The following RAMP3 variants were observed in gnomAD, a reference collection of about 807,000 sequenced individuals.
RAMP3 encodes receptor activity modifying protein 3.
In RAMP3, 14 loss-of-function variants were observed where a neutral mutation model predicts 13.5. The ratio of observed to expected loss-of-function variants is 1.04; its 90% CI spans 0.69 to 1.63. The LOEUF (loss-of-function observed/expected upper bound fraction) is 1.63, where lower values mean the gene tolerates loss of function less well. RAMP3 is among the 40% of genes most tolerant of loss of function. The pLI is 0.00. For missense variants in RAMP3, 200 were observed against 204.8 expected, an observed-to-expected ratio of 0.98 and a Z score of 0.14; for synonymous variants, 106 against 88.3, an observed-to-expected ratio of 1.20 and a Z score of -1.12.
intron 1 of RAMP3, among the ~76,000 whole-genome samples, chr7:45,160,549 A>T (rs1367886997): frequency 6.6e-6 from 1 of 151,932 alleles, no homozygotes; most frequent in East Asian, 1.9e-4. Context: ...CAGAATCCAC[A>T]GCCTCCCAAG....
At chr7:45,175,807 G>C (rs73114095) in intron 1 of RAMP3, among the ~76,000 whole-genome samples, 8,609 of 152,196 alleles carry the variant, frequency 0.057, 319 homozygotes, top group East Asian at 0.1. Context: ...GGCATCAGAC[G>C]CTTGTTCAAC....
rs992165840 is a variant in RAMP3 at position 45,157,899 on chromosome 7, C to A, written c.58+13C>A. Reference sequence around the variant, plus strand: ...CTGCTGCTCTGCGGTAAGGGGGCGACGGCCCGCACCGGGGGCGCCCCCACT... The same window carrying A: ...CTGCTGCTCTGCGGTAAGGGGGCGAAGGCCCGCACCGGGGGCGCCCCCACT... On this transcript the variant is annotated intron_variant, in intron 1 of 2. Transcript: ENST00000242249. 2.1e-5 allele frequency: 29 copies of A among 1,353,264 alleles called. No homozygotes were observed. Among genetic ancestry groups the A allele is most frequent in the Middle Eastern group, 2.1e-4 (1 of 4,670 alleles). 83.8% of individuals were successfully genotyped at this position (1,353,264 alleles called of 1,614,324 possible). A position where few individuals can be genotyped will look rare whatever the true frequency, so the allele number is the denominator to read the frequency against.
At chr7:45,158,381 C>T (rs1370204908) in intron 1 of RAMP3, among the ~76,000 whole-genome samples, 1 of 152,168 alleles carries the variant, frequency 6.6e-6, no homozygotes, top group Non-Finnish European at 1.5e-5. Context: ...AGTGTGTGGA[C>T]GCCTGTGTGT....
intron 1 of RAMP3, among the ~76,000 whole-genome samples, chr7:45,166,402 C>T (rs1785962413): frequency 1.3e-5 from 2 of 152,128 alleles, no homozygotes; most frequent in African/African-American, 4.8e-5. Flanking sequence ...TTGCATTTCC[C>T]TGATGGTTAA....
At chr7:45,176,601 G>A (rs1786192388) in intron 1 of RAMP3, among the ~76,000 whole-genome samples, 1 of 152,166 alleles carries the variant, frequency 6.6e-6, no homozygotes, top group Admixed American at 6.5e-5. Flanking sequence ...AGGACAGGGG[G>A]CATTGCTCAG....
rs1002167510 is a variant in RAMP3 at position 45,183,708 on chromosome 7, G to A, written c.*296G>A. On this transcript the variant is annotated 3_prime_UTR_variant, in exon 3 of 3. Coordinates refer to ENST00000242249, the MANE Select transcript of RAMP3 (RefSeq NM_005856.3). ...AATCACCTGCTGCATCCTGTGCTCC[G>A]CAGGCTGGGCCGGAGCCTCTGCCCG... is the stretch of plus-strand genomic sequence containing the variant. The A allele has an allele frequency of 3.6e-5, 21 of 577,962 alleles. No homozygotes were observed. The highest frequency in any genetic ancestry group is 3.4e-4 in the African/African-American group (18 of 53,560). 35.8% of individuals were successfully genotyped at this position (577,962 alleles called of 1,614,324 possible).
chr7:45,174,125 A>G (rs1301981429), intron 1 of RAMP3, among the ~76,000 whole-genome samples: 1 of 152,106 alleles, frequency 6.6e-6, no homozygotes, highest in African/African-American at 2.4e-5. Context: ...GTGAGCCAGG[A>G]GGGTCTTGGG....
chr7:45,183,840 C>T lies in RAMP3; in HGVS notation c.*428C>T, dbSNP rs1481630355. The T allele has an allele frequency of 1.1e-5, 5 of 449,908 alleles. No individual in the cohort carries two copies. Among genetic ancestry groups the T allele is most frequent in the Admixed American group, 3.8e-5 (1 of 26,640 alleles). 27.9% of individuals were successfully genotyped at this position (449,908 alleles called of 1,614,324 possible). The stretch of plus-strand genomic sequence containing the variant: ...GCTTGACCCCATCTCTGGTTCCTGC[C>T]CTGGCTCCTGCACCAGCCCCAGCTC... On this transcript the variant is annotated 3_prime_UTR_variant, in exon 3 of 3. Coordinates refer to ENST00000242249, the MANE Select transcript of RAMP3 (RefSeq NM_005856.3).
intron 1 of RAMP3, chr7:45,163,243 G>A (rs1584064616): frequency 2.0e-6 from 2 of 985,412 alleles, no homozygotes; most frequent in East Asian, 1.1e-4. Context: ...AGATGACAGT[G>A]CCCAGAGGAA....
intron 1 of RAMP3, chr7:45,163,467 G>C (rs1489067076): frequency 1.0e-6 from 1 of 985,296 alleles, no homozygotes; most frequent in Non-Finnish European, 1.2e-6. Flanking sequence ...CCAGGAAGGA[G>C]GCTGTGGTAA....
At chr7:45,170,122 G>A (rs1418622782) in intron 1 of RAMP3, among the ~76,000 whole-genome samples, 2 of 143,168 alleles carry the variant, frequency 1.4e-5, no homozygotes, top group Admixed American at 6.9e-5. Flanking sequence ...CTAGTTAAAG[G>A]TTTGTCAATT....
At chr7:45,169,592 TG>T (rs1433317883) in intron 1 of RAMP3, among the ~76,000 whole-genome samples, 1 of 152,206 alleles carries the variant, frequency 6.6e-6, no homozygotes, top group African/African-American at 2.4e-5. Context: ...ACCCAGGTGC[TG>T]GGCACTCCTT....
Position 45,183,428 on chromosome 7 carries a change from G to A in RAMP3, c.*16G>A, listed in dbSNP as rs751394369. Reference sequence around the variant, plus strand: ...GCTGCTGTGAGGGTCCCGGTGAGATGGAGTGGGTCACACCTGGCAAGCTGG... The same window carrying A: ...GCTGCTGTGAGGGTCCCGGTGAGATAGAGTGGGTCACACCTGGCAAGCTGG... On this transcript the variant is annotated 3_prime_UTR_variant, in exon 3 of 3. Coordinates refer to ENST00000242249, the MANE Select transcript of RAMP3 (RefSeq NM_005856.3). The A allele has an allele frequency of 7.5e-6, 12 of 1,608,700 alleles. No individual in the cohort carries two copies. The highest frequency in any genetic ancestry group is 9.3e-6 in the Non-Finnish European group (11 of 1,179,154).
chr7:45,159,700 G>A (rs1170672545), intron 1 of RAMP3, among the ~76,000 whole-genome samples: 1 of 152,190 alleles, frequency 6.6e-6, no homozygotes, highest in Non-Finnish European at 1.5e-5. Flanking sequence ...TCTGTAAAGG[G>A]CTGCTGAGAC....
chr7:45,177,438 T>C lies in RAMP3; in HGVS notation c.188T>C (p.Ile63Thr). 2.5e-6 allele frequency: 4 copies of C among 1,614,046 alleles called. No individual in the cohort carries two copies. The highest frequency in any genetic ancestry group is 3.4e-6 in the Non-Finnish European group (4 of 1,179,946). Residue 63 changes from isoleucine (I) to threonine (T), a missense_variant, in exon 2 of 3, where the codon ATC becomes ACC. Coordinates refer to ENST00000242249, the MANE Select transcript of RAMP3 (RefSeq NM_005856.3). Reference sequence around the variant, plus strand: ...AAGTGGTGCAACCTGTCCGAGTTCATCGTGTGAGTGCCACTGCTGGGCGTG... The same window carrying C: ...AAGTGGTGCAACCTGTCCGAGTTCACCGTGTGAGTGCCACTGCTGGGCGTG... ...VWKWCNLSEF[I>T]VYYESFTNCT...
intron 1 of RAMP3, among the ~76,000 whole-genome samples, chr7:45,165,270 C>T (rs1291892673): frequency 6.6e-6 from 1 of 152,180 alleles, no homozygotes; most frequent in Non-Finnish European, 1.5e-5. Context: ...TATGCCATTG[C>T]TGTCATATAT....
intron 2 of RAMP3, among the ~76,000 whole-genome samples, chr7:45,181,955 AGTGACT>A (rs2128658983): frequency 6.6e-6 from 1 of 152,256 alleles, no homozygotes; most frequent in South Asian, 2.1e-4. Flanking sequence ...AGCTGGGCTG[AGTGACT>A]GTACCTGGGC....
intron 1 of RAMP3, among the ~76,000 whole-genome samples, chr7:45,166,175 CT>C (rs34697827): frequency 0.27 from 39,996 of 145,494 alleles, 6,433 homozygotes; most frequent in African/African-American, 0.47. Context: ...CTCACTGACA[CT>C]TTTTTTTTTT....
chr7:45,171,552 T>A (rs999707301), intron 1 of RAMP3, among the ~76,000 whole-genome samples: 2 of 152,180 alleles, frequency 1.3e-5, no homozygotes, highest in African/African-American at 4.8e-5. Flanking sequence ...CATGTCTTTT[T>A]TGATTTTTTT....
Sources: gnomAD v4.1 joint callset for allele counts (sites outside exome capture counted in the v4.1 genomes callset) on GRCh38, gnomAD v4.1.1 for gene constraint, MANE v1.5 for transcripts, NCBI Gene and HGNC (gene_info 2026-07-23, HGNC 2026-07-21) for gene names.